CADM3: variants seen among roughly 807,000 people sequenced by gnomAD.
The protein encoded by CADM3 is cell adhesion molecule 3, also known as TSLC1-like 1.
Under a neutral mutation model 44.9 loss-of-function variants are expected in CADM3, and 11 were observed. The observed-to-expected ratio is 0.25, with a 90% CI of 0.15 to 0.41. CADM3 has a LOEUF of 0.41. Among genes scored for constraint, CADM3 ranks in the 10% least tolerant of loss-of-function variants. CADM3 has a pLI of 1.00. For missense variants in CADM3, 426 were observed against 512.0 expected (o/e 0.83, Z 1.62); for synonymous variants, 207 against 205.2 (o/e 1.01, Z -0.08).
chr1:159,181,387 G>A (rs1407313775), intron 1 of CADM3, among the ~76,000 whole-genome samples: 1 of 152,180 alleles, frequency 6.6e-6, no homozygotes, highest in African/African-American at 2.4e-5. Flanking sequence ...AAGGGAATGA[G>A]GAGATGGGAT....
rs552196782 is a variant in CADM3, at chr1:159,171,917, G to C, written c.88+64G>C. The C allele has an allele frequency of 7.2e-6, 8 of 1,107,226 alleles. No homozygotes were observed. The East Asian group carries it at 1.9e-4, about 27-fold the overall frequency. The allele number at this position is 1,107,226 out of a possible 1,614,324, so 68.6% of individuals were successfully genotyped here. On this transcript the variant is annotated intron_variant, in intron 1 of 8. Transcript: ENST00000368125. ...GTGACCCGAGGCGGGGGCTGGGATC[G>C]GGAGTCTCGCGGAAGGAGCCTGTTG...
At chr1:159,176,898 T>C (rs1649039102) in intron 1 of CADM3, among the ~76,000 whole-genome samples, 1 of 152,194 alleles carries the variant, frequency 6.6e-6, no homozygotes, top group Non-Finnish European at 1.5e-5. Flanking sequence ...ACAGAGAAAC[T>C]TCTAAATCCT....
chr1:159,200,712 C>A, intron 8 of CADM3, 92 bp from the exon 9 acceptor site: 1 of 825,108 alleles, frequency 1.2e-6, no homozygotes, highest in Non-Finnish European at 1.9e-6. Flanking sequence ...ATTACTTGAG[C>A]AGTGTGTGAG....
intron 8 of CADM3, among the ~76,000 whole-genome samples, chr1:159,200,289 C>G (rs187742392): frequency 6.6e-6 from 1 of 152,168 alleles, no homozygotes; most frequent in African/African-American, 2.4e-5. Flanking sequence ...TTCCTCTCCC[C>G]CTTTTCTACC....
chr1:159,190,597 G>A (rs1649614778), intron 1 of CADM3, among the ~76,000 whole-genome samples: 1 of 152,136 alleles, frequency 6.6e-6, no homozygotes, highest in South Asian at 2.1e-4. Context: ...TCCAATTTGG[G>A]AACAGTCACC....
intron 1 of CADM3, among the ~76,000 whole-genome samples, chr1:159,172,317 C>A (rs1193012587): frequency 6.6e-6 from 1 of 152,064 alleles, no homozygotes; most frequent in East Asian, 1.9e-4. Context: ...GGTTGGGTAG[C>A]CAGTGCAATC....
intron 2 of CADM3, 41 bp downstream of exon 2, chr1:159,192,117 G>C (rs761110615): frequency 3.7e-6 from 6 of 1,605,728 alleles, no homozygotes; most frequent in East Asian, 4.5e-5. Flanking sequence ...AAAACCATGG[G>C]CTAGAGAAGG....
chr1:159,186,061 C>T (rs1262494419), intron 1 of CADM3, among the ~76,000 whole-genome samples: 1 of 152,144 alleles, frequency 6.6e-6, no homozygotes, highest in Non-Finnish European at 1.5e-5. Context: ...AAAATGTAGG[C>T]TTTATTCATA....
chr1:159,193,715 G>A, intron 4 of CADM3, 155 bp downstream of exon 4: 1 of 1,401,218 alleles, frequency 7.1e-7, no homozygotes, highest in Non-Finnish European at 9.9e-7. Context: ...GTGTGTTGGG[G>A]CCTACATTCT....
chr1:159,199,983 T>G, intron 8 of CADM3, 107 bp downstream of exon 8: 1 of 1,405,030 alleles, frequency 7.1e-7, no homozygotes, highest in South Asian at 1.2e-5. Flanking sequence ...CAGAGACTTG[T>G]CAGCCCTTTG....
chr1:159,200,922 G>A lies in CADM3; in HGVS notation c.1197G>A (p.Ter399=). Residue 399 remains the stop codon, a stop_retained_variant, in exon 9 of 9, where the codon TAG becomes TAA. Transcript: ENST00000368125. ...GGDDKKEYFI[*] ...ACGACAAGAAGGAATATTTCATCTAGAGGCGCCTGCCCACTTCCTGCGCCC... is the reference window on the plus strand; with the variant it reads ...ACGACAAGAAGGAATATTTCATCTAAAGGCGCCTGCCCACTTCCTGCGCCC... 1 of 1,594,730 alleles carries A rather than the reference G, an allele frequency of 6.3e-7. No individual in the cohort carries two copies. Among genetic ancestry groups the A allele is most frequent in the Non-Finnish European group, 8.5e-7 (1 of 1,170,092 alleles).
rs756367551 is a variant in CADM3, at chr1:159,189,856, C to T, written c.89-2080C>T. The T allele has an allele frequency of 1.7e-5, 27 of 1,601,942 alleles. No individual in the cohort carries two copies. In the Admixed American group the frequency reaches 4.4e-4, roughly 26 times the overall value. ...GCTCCACAGTCTGGAGCAGCCCTGACATGCTGGCCAGTCAAGGTGAGAATC... is the reference window on the plus strand; with the variant it reads ...GCTCCACAGTCTGGAGCAGCCCTGATATGCTGGCCAGTCAAGGTGAGAATC... On this transcript the variant is annotated intron_variant, in intron 1 of 8. Coordinates refer to ENST00000368125, the MANE Select transcript of CADM3 (RefSeq NM_001127173.3).
rs911813648 is a variant in CADM3, at chr1:159,202,556, G to T, written c.*1634G>T. 1.3e-5 allele frequency: 2 copies of T among 152,528 alleles called. No homozygotes were observed. Among genetic ancestry groups the T allele is most frequent in the Non-Finnish European group, 2.9e-5 (2 of 68,316 alleles). The allele number at this position is 152,528 out of a possible 1,614,324, so 9.4% of individuals were successfully genotyped here. ...TCCCCACCCTTCCTTTTGATTTCCT[G>T]TCTTCCTTCTCGTGGCCCCAGCTGG... On this transcript the variant is annotated 3_prime_UTR_variant, in exon 9 of 9. Coordinates refer to ENST00000368125, the MANE Select transcript of CADM3 (RefSeq NM_001127173.3).
In CADM3 at chr1:159,192,741, C is replaced by CA. The variant is rs762258608; in HGVS notation, c.382+14dup. 1.2e-6 allele frequency: 2 copies of CA among 1,608,896 alleles called. No individual in the cohort carries two copies. Among genetic ancestry groups the CA allele is most frequent in the African/African-American group, 1.3e-5 (1 of 74,768 alleles). On this transcript the variant is annotated intron_variant, in intron 3 of 8. Coordinates refer to ENST00000368125, the MANE Select transcript of CADM3 (RefSeq NM_001127173.3). ...TCGTCACTGTGCTAGGTGAGACTCC[C>CA]AAACCCCAGTGTCTCTACAGCATGC... is the stretch of plus-strand genomic sequence containing the variant.
chr1:159,189,362 G>T (rs1209664109), intron 1 of CADM3, among the ~76,000 whole-genome samples: 1 of 152,298 alleles, frequency 6.6e-6, no homozygotes, highest in East Asian at 1.9e-4. Context: ...TGGTGGAGCA[G>T]AAAGAATTCT....
chr1:159,184,440 T>C (rs370302741), intron 1 of CADM3, among the ~76,000 whole-genome samples: 10 of 152,342 alleles, frequency 6.6e-5, no homozygotes, highest in East Asian at 3.9e-4. Context: ...TGAGTCATCA[T>C]CATCATCATC....
At position 159,200,954 on chromosome 1, in the gene CADM3, G is replaced by A; in HGVS notation, c.*32G>A. 6.6e-7 allele frequency: 1 copy of A among 1,511,394 alleles called. No individual in the cohort carries two copies. The highest frequency in any genetic ancestry group is 9.0e-7 in the Non-Finnish European group (1 of 1,113,330). 93.6% of individuals were successfully genotyped at this position (1,511,394 alleles called of 1,614,324 possible). On this transcript the variant is annotated 3_prime_UTR_variant, in exon 9 of 9. Transcript: ENST00000368125. The stretch of plus-strand genomic sequence containing the variant: ...CTGCCCACTTCCTGCGCCCCCCAGG[G>A]GCCCTGTGGGGACTGCTGGGGCCGT...
chr1:159,191,461 T>G (rs1334737109), intron 1 of CADM3, among the ~76,000 whole-genome samples: 1 of 152,244 alleles, frequency 6.6e-6, no homozygotes, highest in Non-Finnish European at 1.5e-5. Flanking sequence ...AAGAGCTGGT[T>G]TAGCCTTTTC....
chr1:159,186,310 A>G (rs966708366), intron 1 of CADM3, among the ~76,000 whole-genome samples: 1 of 152,202 alleles, frequency 6.6e-6, no homozygotes, highest in Non-Finnish European at 1.5e-5. Context: ...CAGAGAGTGG[A>G]GAGTCAGTGA....
Sources: allele counts gnomAD v4.1 joint callset (sites outside exome capture counted in the v4.1 genomes callset), GRCh38; gene constraint gnomAD v4.1.1; transcripts MANE v1.5; gene names NCBI Gene and HGNC (gene_info 2026-07-23, HGNC 2026-07-21).